GRIA2: variants seen among roughly 807,000 people sequenced by gnomAD.
GRIA2 encodes the protein glutamate ionotropic receptor AMPA type subunit 2, also known as glutamate receptor 2.
Under a neutral mutation model 97.3 loss-of-function variants are expected in GRIA2, and 14 were observed. The observed-to-expected ratio is 0.14, with a 90% CI of 0.10 to 0.23. The LOEUF is 0.23. Ranked by LOEUF, GRIA2 falls within the 10% of genes least tolerant of loss-of-function variation. The pLI, the probability that GRIA2 is intolerant of heterozygous loss-of-function variation, is 1.00. For missense variants in GRIA2, 558 were observed against 1,069.8 expected (o/e 0.52, Z 6.67); for synonymous variants, 412 against 387.8 (o/e 1.06, Z -0.73).
rs142701729 is a variant in GRIA2 at position 157,343,632 on chromosome 4, T to C, written c.2043+2170T>C. 3.8e-3 allele frequency among the ~76,000 whole-genome samples: 579 copies of C among 152,224 alleles called. 15 individuals are homozygous for C. Among genetic ancestry groups the C allele is most frequent in the Admixed American group, 0.035 (541 of 15,270 alleles). On this transcript the variant is annotated intron_variant, in intron 12 of 15. Transcript: ENST00000264426. ...GGCTAGGTCTCAGTGCATATAATGT[T>C]GTAGTGAGCGTCTCCTTATCTAGAG...
At chr4:157,286,782 G>C (rs1026624698) in intron 2 of GRIA2, among the ~76,000 whole-genome samples, 1 of 151,356 alleles carries the variant, frequency 6.6e-6, no homozygotes, top group Admixed American at 6.6e-5. Flanking sequence ...TATTTTGTAG[G>C]TATTACTCTA....
intron 2 of GRIA2, among the ~76,000 whole-genome samples, chr4:157,274,014 T>G (rs1222449310): frequency 6.6e-6 from 1 of 152,066 alleles, no homozygotes; most frequent in Non-Finnish European, 1.5e-5. Context: ...AATAAAAGAA[T>G]TATATCTGAC....
intron 12 of GRIA2, among the ~76,000 whole-genome samples, chr4:157,346,670 G>A (rs1423523256): frequency 6.6e-6 from 1 of 152,114 alleles, no homozygotes; most frequent in Non-Finnish European, 1.5e-5. Context: ...AATAAATGCT[G>A]AATGTGAATA....
rs77832018 is a variant in GRIA2 at position 157,327,991 on chromosome 4, G to A, written c.883-4828G>A. Among the ~76,000 whole-genome samples the A allele has an allele frequency of 1.8e-4, 28 of 151,978 alleles. 1 individual carries two copies. In the East Asian group the frequency reaches 5.2e-3, roughly 28 times the overall value. The stretch of plus-strand genomic sequence containing the variant: ...GGCGTTCACTCTTCCTAATATTACA[G>A]CATTTTGCCCAACACAACCTGGAAG... On this transcript the variant is annotated intron_variant, in intron 6 of 15. Transcript: ENST00000264426.
chr4:157,287,499 G>T (rs1425215566), intron 2 of GRIA2, among the ~76,000 whole-genome samples: 1 of 151,528 alleles, frequency 6.6e-6, no homozygotes, highest in Non-Finnish European at 1.5e-5. Context: ...TGGTTGGAGG[G>T]TATGTTTTGG....
chr4:157,245,222 G>A (rs1006293197), intron 2 of GRIA2, among the ~76,000 whole-genome samples: 1 of 151,748 alleles, frequency 6.6e-6, no homozygotes, highest in Non-Finnish European at 1.5e-5. Context: ...TCTCCAACTC[G>A]ATTATTGTTT....
intron 2 of GRIA2, among the ~76,000 whole-genome samples, chr4:157,302,440 T>C (rs1733657783): frequency 6.6e-6 from 1 of 152,182 alleles, no homozygotes; most frequent in Non-Finnish European, 1.5e-5. Context: ...GCCATATTAC[T>C]TTTTAATTAA....
chr4:157,278,793 A>T (rs759687724), intron 2 of GRIA2, among the ~76,000 whole-genome samples: 4 of 53,332 alleles, frequency 7.5e-5, no homozygotes, highest in South Asian at 7.7e-4. Flanking sequence ...TAACCTGAAT[A>T]AAAAAAAATA....
At chr4:157,270,845 T>C (rs1217075735) in intron 2 of GRIA2, among the ~76,000 whole-genome samples, 2 of 151,820 alleles carry the variant, frequency 1.3e-5, no homozygotes, top group East Asian at 1.9e-4. Flanking sequence ...TAGTGAGAAG[T>C]TGAATGTGTG....
intron 6 of GRIA2, among the ~76,000 whole-genome samples, chr4:157,322,995 T>C (rs1247453276): frequency 1.3e-5 from 2 of 152,134 alleles, no homozygotes; most frequent in African/African-American, 4.8e-5. Context: ...CCAAGTAACT[T>C]TTTTTCAAAA....
chr4:157,314,954 A>G (rs747214279), intron 4 of GRIA2, among the ~76,000 whole-genome samples: 23 of 152,344 alleles, frequency 1.5e-4, no homozygotes, highest in African/African-American at 5.3e-4. Context: ...AATGTACACA[A>G]TGTACACAGA....
In GRIA2 at chr4:157,322,509, G is replaced by A. The variant is rs188911638; in HGVS notation, c.882+910G>A. 1.5e-3 allele frequency among the ~76,000 whole-genome samples: 224 copies of A among 152,248 alleles called. 3 individuals carry two copies. Among genetic ancestry groups the A allele is most frequent in the Admixed American group, 0.013 (204 of 15,302 alleles). On this transcript the variant is annotated intron_variant, in intron 6 of 15. Coordinates refer to ENST00000264426, the MANE Select transcript of GRIA2 (RefSeq NM_001083619.3). ...TGAGATCTTCACTTGTTTATTTGAT[G>A]CATTTTATTGGGTATACACATGCGT...
intron 2 of GRIA2, among the ~76,000 whole-genome samples, chr4:157,224,366 G>C (rs1306148552): frequency 6.6e-6 from 1 of 152,126 alleles, no homozygotes; most frequent in African/African-American, 2.4e-5. Flanking sequence ...AAAGAACTAG[G>C]GGGGTACTGT....
At chr4:157,231,555 G>T (rs2126694222) in intron 2 of GRIA2, among the ~76,000 whole-genome samples, 1 of 152,208 alleles carries the variant, frequency 6.6e-6, no homozygotes, top group Non-Finnish European at 1.5e-5. Context: ...AGCCATCCTT[G>T]AAAATTATGA....
chr4:157,270,314 G>A (rs1248930985), intron 2 of GRIA2, among the ~76,000 whole-genome samples: 1 of 151,986 alleles, frequency 6.6e-6, no homozygotes, highest in Non-Finnish European at 1.5e-5. Context: ...TCACTTCAAG[G>A]TATTGGCTCA....
chr4:157,307,104 G>T (rs6850581), intron 3 of GRIA2, among the ~76,000 whole-genome samples: 53,876 of 151,730 alleles, frequency 0.36, 10,018 homozygotes, highest in African/African-American at 0.47. Flanking sequence ...ATATATATTG[G>T]TTAATTATAA....
At chr4:157,287,745 T>A (rs965897066) in intron 2 of GRIA2, among the ~76,000 whole-genome samples, 3 of 151,476 alleles carry the variant, frequency 2.0e-5, no homozygotes, top group African/African-American at 7.3e-5. Context: ...GACCACCTTT[T>A]CACAATTCTG....
chr4:157,256,197 A>ATATGTAATATATAATATTACAATT (rs1731243732), intron 2 of GRIA2, among the ~76,000 whole-genome samples: 1 of 135,176 alleles, frequency 7.4e-6, no homozygotes, highest in Non-Finnish European at 1.5e-5. Context: ...TATAACATAT[A>ATATGTAATATATAATATTACAATT]TTACATATAT....
At position 157,303,641 on chromosome 4, in the gene GRIA2, C is replaced by T. The variant is rs1733711823; in HGVS notation, c.319C>T (p.Leu107Phe). Residue 107 changes from leucine to phenylalanine, a missense_variant, in exon 3 of 16, where the codon CTC (leucine) becomes TTC (phenylalanine). Leu to Phe is a conservative substitution (Grantham distance 22). Around this residue, in one of 8 missense-constraint regions of GRIA2, gnomAD observed 96 missense variants for 176.6 expected, o/e 0.54. Transcript: ENST00000264426. ...TACCATCACATCATTTTGCGGAACA[C>T]TCCACGTCTCCTTCATCACTCCCAG... is the stretch of plus-strand genomic sequence containing the variant. ...VNTITSFCGTLHVSFITPSFP... is the reference protein window; with the variant it reads ...VNTITSFCGTFHVSFITPSFP... The T allele has an allele frequency of 6.2e-7, 1 of 1,614,086 alleles. No homozygotes were observed. Among genetic ancestry groups the T allele is most frequent in the Admixed American group, 1.7e-5 (1 of 60,008 alleles).
Sources: allele counts gnomAD v4.1 joint callset (sites outside exome capture counted in the v4.1 genomes callset), GRCh38; gene constraint gnomAD v4.1.1; regional missense constraint gnomAD v4.1.1; transcripts MANE v1.5; gene names NCBI Gene and HGNC (gene_info 2026-07-23, HGNC 2026-07-21).